Variants in TBC1D22A observed in about 807,000 individuals in gnomAD.
TBC1D22A encodes the protein putative GTPase activator.
A neutral mutation model predicts 60.2 loss-of-function variants in TBC1D22A; 38 were observed. The ratio of observed to expected loss-of-function variants is 0.63; its 90% CI spans 0.49 to 0.83. The LOEUF is 0.83. TBC1D22A is among the 40% of genes least tolerant of loss of function. The pLI is 0.00. For synonymous variants in TBC1D22A, 302 were observed against 281.7 expected (o/e 1.07, Z -0.72); for missense variants, 628 against 701.0 (o/e 0.90, Z 1.18).
chr22:47,033,344 G>A (rs2062546869), intron 10 of TBC1D22A, among the ~76,000 whole-genome samples: 1 of 152,194 alleles, frequency 6.6e-6, no homozygotes, highest in Non-Finnish European at 1.5e-5. Flanking sequence ...GGGTGTGGCT[G>A]GAAAACTCCT....
intron 10 of TBC1D22A, among the ~76,000 whole-genome samples, chr22:47,025,291 ATTCT>A (rs999591065): frequency 3.3e-5 from 5 of 152,220 alleles, no homozygotes; most frequent in African/African-American, 1.2e-4. Flanking sequence ...AAGAGTGCAC[ATTCT>A]TTTTAATTTT....
chr22:47,046,822 C>G (rs2063047962), intron 11 of TBC1D22A, among the ~76,000 whole-genome samples: 1 of 152,198 alleles, frequency 6.6e-6, no homozygotes, highest in African/African-American at 2.4e-5. Flanking sequence ...CTGGATCCCC[C>G]CAGATGCCAG....
At chr22:46,932,871 C>T (rs2071435314) in intron 8 of TBC1D22A, among the ~76,000 whole-genome samples, 1 of 151,964 alleles carries the variant, frequency 6.6e-6, no homozygotes, top group Non-Finnish European at 1.5e-5. Flanking sequence ...ATTACAGGCA[C>T]CTGCCACCAC....
At chr22:46,956,713 C>T (rs766605681) in intron 8 of TBC1D22A, among the ~76,000 whole-genome samples, 1 of 152,196 alleles carries the variant, frequency 6.6e-6, no homozygotes, top group African/African-American at 2.4e-5. Flanking sequence ...GCGTTCCCCT[C>T]AGCGTGGCAG....
At chr22:47,054,797 A>G (rs1400206690) in intron 11 of TBC1D22A, among the ~76,000 whole-genome samples, 1 of 152,176 alleles carries the variant, frequency 6.6e-6, no homozygotes, top group Non-Finnish European at 1.5e-5. Context: ...TTGTGGGGCA[A>G]GGGCGAGGGG....
At chr22:47,144,198 C>T (rs775165176) in intron 12 of TBC1D22A, among the ~76,000 whole-genome samples, 8 of 152,330 alleles carry the variant, frequency 5.3e-5, no homozygotes, top group South Asian at 4.1e-4. Flanking sequence ...CCTGAGCCAC[C>T]GTGCTCACTT....
chr22:46,868,858 A>G (rs999811120), intron 4 of TBC1D22A, among the ~76,000 whole-genome samples: 2 of 152,212 alleles, frequency 1.3e-5, no homozygotes, highest in African/African-American at 2.4e-5. Context: ...ATGACTGAGT[A>G]CCTGTCACGT....
At chr22:47,154,037 G>A (rs887836651) in intron 12 of TBC1D22A, among the ~76,000 whole-genome samples, 3 of 152,142 alleles carry the variant, frequency 2.0e-5, no homozygotes, top group Admixed American at 2.0e-4. Flanking sequence ...AGGAGGAGAT[G>A]TGAGTAGCTG....
At chr22:47,057,149 G>A (rs1258230476) in intron 11 of TBC1D22A, among the ~76,000 whole-genome samples, 1 of 152,214 alleles carries the variant, frequency 6.6e-6, no homozygotes, top group Non-Finnish European at 1.5e-5. Context: ...TGTCAAGTTT[G>A]GTCATTTTAG....
At chr22:47,056,796 C>T (rs142358312) in intron 11 of TBC1D22A, among the ~76,000 whole-genome samples, 1 of 152,196 alleles carries the variant, frequency 6.6e-6, no homozygotes, top group Non-Finnish European at 1.5e-5. Flanking sequence ...CAGCTCGCTC[C>T]ACCTCAGGTT....
chr22:46,974,281 G>T lies in TBC1D22A; in HGVS notation c.1016-9G>T, dbSNP rs761617985. ...TCTCCTTGTCTTTTGCATGCTCGGC[G>T]CCGCCCAGAGGCAGAGGAGGTGGAC... On this transcript the variant is annotated splice_polypyrimidine_tract_variant and intron_variant, in intron 8 of 12. Coordinates refer to ENST00000337137, the MANE Select transcript of TBC1D22A (RefSeq NM_014346.5). 1.1e-5 allele frequency: 17 copies of T among 1,582,014 alleles called. No homozygotes were observed. Among genetic ancestry groups the T allele is most frequent in the Non-Finnish European group, 1.5e-5 (17 of 1,164,198 alleles).
intron 3 of TBC1D22A, among the ~76,000 whole-genome samples, chr22:46,796,244 T>G (rs2084647810): frequency 6.6e-6 from 1 of 152,136 alleles, no homozygotes; most frequent in Admixed American, 6.5e-5. Flanking sequence ...TTCTGGAAAT[T>G]TAACTGGGCC....
intron 4 of TBC1D22A, among the ~76,000 whole-genome samples, chr22:46,804,614 C>T (rs1417733510): frequency 6.6e-6 from 1 of 152,200 alleles, no homozygotes; most frequent in African/African-American, 2.4e-5. Context: ...GATGTGTTCC[C>T]TGCTCGATGT....
chr22:47,024,709 A>C (rs572002617), intron 10 of TBC1D22A, among the ~76,000 whole-genome samples: 1 of 152,088 alleles, frequency 6.6e-6, no homozygotes, highest in African/African-American at 2.4e-5. Flanking sequence ...TTAGCTGGGC[A>C]TAGTGTAGTG....
At chr22:47,171,029 A>G (rs972158427) in intron 12 of TBC1D22A, among the ~76,000 whole-genome samples, 1 of 152,152 alleles carries the variant, frequency 6.6e-6, no homozygotes, top group Non-Finnish European at 1.5e-5. Flanking sequence ...CACAGCCAGG[A>G]TGTGAGCCCA....
At chr22:47,133,832 C>T (rs1465980077) in intron 12 of TBC1D22A, among the ~76,000 whole-genome samples, 3 of 152,104 alleles carry the variant, frequency 2.0e-5, no homozygotes, top group Admixed American at 1.3e-4. Flanking sequence ...GCTGGCAGCA[C>T]GATCAACACG....
At chr22:46,822,612 C>G (rs973728072) in intron 4 of TBC1D22A, among the ~76,000 whole-genome samples, 2 of 152,112 alleles carry the variant, frequency 1.3e-5, no homozygotes, top group Non-Finnish European at 2.9e-5. Flanking sequence ...AAGATGGGTG[C>G]CTCCTGCTTC....
intron 11 of TBC1D22A, among the ~76,000 whole-genome samples, chr22:47,103,965 A>G (rs987799730): frequency 3.9e-5 from 6 of 152,060 alleles, no homozygotes; most frequent in Non-Finnish European, 7.4e-5. Flanking sequence ...TTTTTTTGCC[A>G]TATTTGGAAA....
chr22:47,128,745 G>A (rs768699114), intron 12 of TBC1D22A, among the ~76,000 whole-genome samples: 13 of 152,236 alleles, frequency 8.5e-5, no homozygotes, highest in Non-Finnish European at 1.5e-4. Context: ...GGCCATGACC[G>A]TGGCTAAGCC....
Sources: allele counts gnomAD v4.1 joint callset (sites outside exome capture counted in the v4.1 genomes callset), GRCh38; gene constraint gnomAD v4.1.1; transcripts MANE v1.5; gene names NCBI Gene and HGNC (gene_info 2026-07-23, HGNC 2026-07-21).